The following DNAAF11 variants were observed in gnomAD, a reference collection of about 807,000 sequenced individuals.
The protein encoded by DNAAF11 is leucine rich repeat containing 6.
A neutral mutation model predicts 60.8 loss-of-function variants in DNAAF11; 45 were observed. The ratio of observed to expected loss-of-function variants is 0.74; its 90% confidence interval spans 0.58 to 0.95. The LOEUF (loss-of-function observed/expected upper bound fraction) is 0.95. DNAAF11 is among the 40% of genes least tolerant of loss of function. The probability of loss-of-function intolerance (pLI) is 0.00; values close to 1 mark genes in which losing one functional copy is unlikely to be tolerated. For missense variants in DNAAF11, 546 were observed against 546.2 expected, an observed-to-expected ratio of 1.00 and a Z score of 0.00; for synonymous variants, 191 against 183.5, an observed-to-expected ratio of 1.04 and a Z score of -0.33.
At chr8:132,697,584 C>A in the DNAAF11 span, among the ~76,000 whole-genome samples, 1 of 151,166 alleles carries the variant, frequency 6.6e-6, no homozygotes, top group Admixed American at 6.6e-5. Context: ...TGCCACTGCA[C>A]CCCAGCCTGG....
intron 3 of DNAAF11, among the ~76,000 whole-genome samples, chr8:132,648,055 A>G (rs1822585214): frequency 6.6e-6 from 1 of 152,160 alleles, no homozygotes; most frequent in Non-Finnish European, 1.5e-5. Flanking sequence ...AGACACAACA[A>G]AAAAAGAGAG....
chr8:132,657,928 T>C (rs1032350082), intron 2 of DNAAF11, among the ~76,000 whole-genome samples: 5 of 152,216 alleles, frequency 3.3e-5, no homozygotes, highest in African/African-American at 9.6e-5. Flanking sequence ...TAAATCATTA[T>C]AGTACACCTT....
intron 10 of DNAAF11, among the ~76,000 whole-genome samples, chr8:132,601,269 A>G (rs1324504608): frequency 6.6e-6 from 1 of 152,126 alleles, no homozygotes; most frequent in Non-Finnish European, 1.5e-5. Context: ...AAAGTCAGGA[A>G]ACAACAGGTG....
chr8:132,659,712 C>T (rs1255234897), intron 2 of DNAAF11, among the ~76,000 whole-genome samples: 1 of 152,038 alleles, frequency 6.6e-6, no homozygotes, highest in Non-Finnish European at 1.5e-5. Context: ...CAAACCTAGG[C>T]TTTTTGCAAG....
chr8:132,655,940 AC>A (rs1316175339), intron 3 of DNAAF11, among the ~76,000 whole-genome samples: 1 of 152,230 alleles, frequency 6.6e-6, no homozygotes. Flanking sequence ...ATTTTGCAGA[AC>A]AACTTGGCAG....
intron 1 of DNAAF11, among the ~76,000 whole-genome samples, chr8:132,665,845 C>A (rs571362366): frequency 1.7e-3 from 265 of 152,278 alleles, no homozygotes; most frequent in African/African-American, 6.3e-3. Context: ...TGTATTCAAC[C>A]CAAGTCCCCA....
upstream of DNAAF11, among the ~76,000 whole-genome samples, chr8:132,676,903 A>G (rs755246019): frequency 1.3e-5 from 2 of 152,188 alleles, no homozygotes; most frequent in Non-Finnish European, 2.9e-5. Context: ...AAGGCACTCA[A>G]ACTATAAACT....
At chr8:132,579,018 A>C (rs957797566) in intron 11 of DNAAF11, among the ~76,000 whole-genome samples, 1 of 152,250 alleles carries the variant, frequency 6.6e-6, no homozygotes, top group African/African-American at 2.4e-5. Context: ...CTTCGAGGAA[A>C]GCTGCTTCAG....
intron 1 of DNAAF11, chr8:132,675,257 T>C (rs1241116500): frequency 4.3e-6 from 2 of 460,120 alleles, no homozygotes; most frequent in East Asian, 3.5e-5. Flanking sequence ...GCCCCGCCCA[T>C]TTTACAGATT....
At chr8:132,620,047 G>C (rs1304511713) in intron 7 of DNAAF11, among the ~76,000 whole-genome samples, 1 of 152,170 alleles carries the variant, frequency 6.6e-6, no homozygotes, top group Non-Finnish European at 1.5e-5. Context: ...AGATGATGTT[G>C]GAAGTAAGGA....
At chr8:132,616,012 C>A (rs1210141010) in intron 7 of DNAAF11, among the ~76,000 whole-genome samples, 1 of 152,018 alleles carries the variant, frequency 6.6e-6, no homozygotes, top group Non-Finnish European at 1.5e-5. Context: ...CTCAAATGAC[C>A]CATGCATTTG....
intron 10 of DNAAF11, among the ~76,000 whole-genome samples, chr8:132,608,240 G>A (rs990206039): frequency 2.0e-5 from 3 of 151,934 alleles, no homozygotes; most frequent in African/African-American, 7.2e-5. Context: ...GATAGAAAAC[G>A]AAGAACTTAT....
At chr8:132,578,359 T>C in intron 11 of DNAAF11, 1 of 1,109,196 alleles carries the variant, frequency 9.0e-7, no homozygotes, top group South Asian at 1.8e-5. Flanking sequence ...CCTGGGGCAC[T>C]TGAAGATCAC....
chr8:132,640,999 G>C (rs937922980), intron 3 of DNAAF11, among the ~76,000 whole-genome samples: 1 of 152,064 alleles, frequency 6.6e-6, no homozygotes, highest in Non-Finnish European at 1.5e-5. Context: ...ATTGTTCATT[G>C]AATAAAACAA....
chr8:132,675,298 C>T, intron 1 of DNAAF11, 186 bp downstream of exon 1: 1 of 570,882 alleles, frequency 1.8e-6, no homozygotes, highest in East Asian at 3.1e-5. Flanking sequence ...GCCAGGCTGT[C>T]CGGCCAGTCT....
Position 132,631,288 on chromosome 8 carries a change from C to T in DNAAF11, c.653+1452G>A, listed in dbSNP as rs570128138. 2.0e-5 allele frequency among the ~76,000 whole-genome samples: 3 copies of T among 152,276 alleles called. No individual in the cohort carries two copies. In the South Asian group the frequency reaches 6.2e-4, roughly 32 times the overall value. On this transcript the variant is annotated intron_variant, in intron 5 of 11. Transcript: ENST00000620350. Reference sequence around the variant, plus strand: ...CTGTGTCCAGGCTGACCAGCTGGCACCACTAGGAAGACCACATGTGTTGTT... The same window carrying T: ...CTGTGTCCAGGCTGACCAGCTGGCATCACTAGGAAGACCACATGTGTTGTT...
the DNAAF11 span, among the ~76,000 whole-genome samples, chr8:132,684,642 GATAA>G: frequency 1.3e-5 from 2 of 152,174 alleles, no homozygotes; most frequent in Non-Finnish European, 2.9e-5. Context: ...AATGTCCCCA[GATAA>G]ATAAAGACAC....
upstream of DNAAF11, among the ~76,000 whole-genome samples, chr8:132,677,529 G>A (rs1447813002): frequency 6.6e-6 from 1 of 152,132 alleles, no homozygotes; most frequent in Non-Finnish European, 1.5e-5. Context: ...TGCAACCCAG[G>A]TATTTGACAT....
At chr8:132,673,439 T>C (rs1006563559) in intron 1 of DNAAF11, among the ~76,000 whole-genome samples, 1 of 152,274 alleles carries the variant, frequency 6.6e-6, no homozygotes, top group East Asian at 1.9e-4. Context: ...TATCTCCCAC[T>C]CGAACTCCTA....
Sources: allele counts gnomAD v4.1 joint callset (sites outside exome capture counted in the v4.1 genomes callset), GRCh38; gene constraint gnomAD v4.1.1; transcripts MANE v1.5; gene names NCBI Gene and HGNC (gene_info 2026-07-23, HGNC 2026-07-21).